CSMD1: variants seen among roughly 807,000 people sequenced by gnomAD.
The protein encoded by CSMD1 is CUB and sushi domain-containing protein 1.
A neutral mutation model predicts 417.5 loss-of-function variants in CSMD1; 213 were observed. The ratio of observed to expected loss-of-function variants is 0.51; its 90% confidence interval spans 0.46 to 0.57. The LOEUF (loss-of-function observed/expected upper bound fraction) is 0.57, where lower values mean the gene tolerates loss of function less well. Among genes scored for constraint, CSMD1 ranks in the 20% least tolerant of loss-of-function variants. The pLI is 0.00. For synonymous variants in CSMD1, 2,862 were observed against 1,736.8 expected, an observed-to-expected ratio of 1.65 and a Z score of -16.11; for missense variants, 6,923 against 4,529.7, an observed-to-expected ratio of 1.53 and a Z score of -15.17.
chr8:4,620,680 T>A (rs1801728129), intron 2 of CSMD1, among the ~76,000 whole-genome samples: 1 of 151,850 alleles, frequency 6.6e-6, no homozygotes, highest in Non-Finnish European at 1.5e-5. Context: ...GATAAAATCA[T>A]AAGAGAAGTT....
Position 4,138,105 on chromosome 8 carries a change from C to T in CSMD1, c.416-106006G>A, listed in dbSNP as rs1315903215. ...TTTTTTTTGTATTTTTTAGTAGAGA[C>T]GCGGTTTCACCGTGTTACCCAGGAT... On this transcript the variant is annotated intron_variant, in intron 3 of 69. Transcript: ENST00000635120. Among the ~76,000 whole-genome samples the T allele has an allele frequency of 4.3e-5, 5 of 116,866 alleles. 1 individual carries two copies. Among genetic ancestry groups the T allele is most frequent in the Non-Finnish European group, 8.3e-5 (5 of 59,954 alleles). The allele number at this position is 116,866 out of a possible 152,430, so 76.7% of individuals were successfully genotyped here. A position where few individuals can be genotyped will look rare whatever the true frequency, so the allele number is the denominator to read the frequency against.
At chr8:3,371,610 GA>G (rs1176310499) in intron 18 of CSMD1, among the ~76,000 whole-genome samples, 1 of 151,834 alleles carries the variant, frequency 6.6e-6, no homozygotes, top group Non-Finnish European at 1.5e-5. Flanking sequence ...TGATCATTCT[GA>G]ATTATGTTTT....
chr8:2,947,072 C>A (rs754402639), intron 68 of CSMD1, among the ~76,000 whole-genome samples: 1 of 152,060 alleles, frequency 6.6e-6, no homozygotes, highest in African/African-American at 2.4e-5. Flanking sequence ...AGGTTATTTG[C>A]CTCTGTATTA....
intron 31 of CSMD1, among the ~76,000 whole-genome samples, chr8:3,203,020 G>A (rs182260586): frequency 6.6e-5 from 10 of 152,100 alleles, no homozygotes; most frequent in Non-Finnish European, 5.9e-5. Flanking sequence ...AAGTTCATTA[G>A]ATTTTTATCA....
At chr8:3,975,504 G>A (rs1813371227) in intron 5 of CSMD1, among the ~76,000 whole-genome samples, 1 of 152,100 alleles carries the variant, frequency 6.6e-6, no homozygotes, top group Non-Finnish European at 1.5e-5. Flanking sequence ...AAGTAGCACA[G>A]AAACTTCATC....
chr8:3,998,505 C>T (rs1815401751), intron 4 of CSMD1, among the ~76,000 whole-genome samples: 1 of 152,124 alleles, frequency 6.6e-6, no homozygotes, highest in Non-Finnish European at 1.5e-5. Context: ...TCATGGATAC[C>T]TGGCTTTGAG....
intron 3 of CSMD1, among the ~76,000 whole-genome samples, chr8:4,167,681 TG>T (rs1797531404): frequency 6.6e-6 from 1 of 152,164 alleles, no homozygotes; most frequent in Non-Finnish European, 1.5e-5. Flanking sequence ...ATTGGTTATA[TG>T]ATCAATTTAA....
intron 6 of CSMD1, among the ~76,000 whole-genome samples, chr8:3,718,015 A>C (rs1801940851): frequency 6.6e-6 from 1 of 152,170 alleles, no homozygotes; most frequent in African/African-American, 2.4e-5. Context: ...ATCTTAACTA[A>C]AGCCTCTCTG....
chr8:4,920,677 C>T (rs962233443), intron 1 of CSMD1, among the ~76,000 whole-genome samples: 1 of 151,612 alleles, frequency 6.6e-6, no homozygotes, highest in African/African-American at 2.4e-5. Context: ...AAAAAAATAG[C>T]CATGCGTGGG....
chr8:3,471,476 G>A (rs1474276940), intron 11 of CSMD1, among the ~76,000 whole-genome samples: 1 of 151,834 alleles, frequency 6.6e-6, no homozygotes, highest in East Asian at 1.9e-4. Flanking sequence ...TTGGAATCTG[G>A]CTTAGTTCCT....
rs939052824 is a variant in CSMD1, at chr8:4,860,869, G to C, written c.85+133463C>G. 2.6e-5 allele frequency among the ~76,000 whole-genome samples: 4 copies of C among 152,020 alleles called. No individual in the cohort carries two copies. The East Asian group carries it at 7.7e-4, about 29-fold the overall frequency. ...TCTGCGTAAAAACGTTCACATCCCT[G>C]CTTCTCCTGCTAGAGAAACCTTCCT... On this transcript the variant is annotated intron_variant, in intron 1 of 69. Coordinates refer to ENST00000635120, the MANE Select transcript of CSMD1 (RefSeq NM_033225.6).
chr8:4,878,730 T>C (rs1333523833), intron 1 of CSMD1, among the ~76,000 whole-genome samples: 1 of 151,760 alleles, frequency 6.6e-6, no homozygotes, highest in East Asian at 1.9e-4. Context: ...CCCAGCAGTA[T>C]CTTTTGTGTA....
At chr8:3,911,505 G>A (rs569057106) in intron 5 of CSMD1, among the ~76,000 whole-genome samples, 2 of 148,284 alleles carry the variant, frequency 1.3e-5, no homozygotes, top group South Asian at 4.2e-4. Context: ...TCCAGCCTGG[G>A]CAACAGAGCA....
At chr8:4,734,209 GC>G (rs1810079680) in intron 1 of CSMD1, among the ~76,000 whole-genome samples, 1 of 152,084 alleles carries the variant, frequency 6.6e-6, no homozygotes, top group African/African-American at 2.4e-5. Flanking sequence ...AAATTCCCCT[GC>G]ATGGTATAAG....
At chr8:3,156,360 T>C (rs1819530753) in intron 39 of CSMD1, among the ~76,000 whole-genome samples, 1 of 152,218 alleles carries the variant, frequency 6.6e-6, no homozygotes, top group African/African-American at 2.4e-5. Context: ...ACTCATTCAT[T>C]CCCTAGCCAT....
At chr8:4,323,565 T>G (rs537931293) in intron 3 of CSMD1, among the ~76,000 whole-genome samples, 2 of 152,114 alleles carry the variant, frequency 1.3e-5, no homozygotes, top group Non-Finnish European at 2.9e-5. Flanking sequence ...GGGTCATATA[T>G]CTGCTTTCCA....
intron 26 of CSMD1, among the ~76,000 whole-genome samples, chr8:3,252,895 G>C (rs1406476179): frequency 6.6e-6 from 1 of 152,082 alleles, no homozygotes; most frequent in East Asian, 1.9e-4. Context: ...ATTTCTGTGG[G>C]ATCGGTGGTG....
intron 26 of CSMD1, among the ~76,000 whole-genome samples, chr8:3,234,348 A>G (rs1009338221): frequency 6.6e-6 from 1 of 152,176 alleles, no homozygotes; most frequent in African/African-American, 2.4e-5. Flanking sequence ...AATACTGCAA[A>G]CGGAAGCCAC....
intron 3 of CSMD1, among the ~76,000 whole-genome samples, chr8:4,048,580 G>C (rs1232740285): frequency 3.9e-5 from 6 of 152,156 alleles, no homozygotes; most frequent in African/African-American, 1.2e-4. Flanking sequence ...AGGTGGTGTG[G>C]CTCCAGAGTT....
Sources: allele counts gnomAD v4.1 joint callset (sites outside exome capture counted in the v4.1 genomes callset), GRCh38; gene constraint gnomAD v4.1.1; transcripts MANE v1.5; gene names NCBI Gene and HGNC (gene_info 2026-07-23, HGNC 2026-07-21).